The following ANO2 variants were observed in gnomAD, a reference collection of about 807,000 sequenced individuals.
ANO2 encodes anoctamin 2.
ANO2 carries 101 observed loss-of-function variants against 124.2 expected under a neutral mutation model. The ratio of observed to expected loss-of-function variants is 0.81; its 90% CI spans 0.69 to 0.96. The LOEUF (loss-of-function observed/expected upper bound fraction) is 0.96. Ranked by LOEUF, ANO2 falls within the 40% of genes least tolerant of loss-of-function variation. The pLI is 0.00. For missense variants in ANO2, 1,293 were observed against 1,274.5 expected (o/e 1.01, Z -0.22); for synonymous variants, 486 against 482.5 (o/e 1.01, Z -0.09).
chr12:5,910,467 C>A (rs1002502170), intron 3 of ANO2, among the ~76,000 whole-genome samples: 2 of 152,226 alleles, frequency 1.3e-5, no homozygotes, highest in African/African-American at 4.8e-5. Context: ...GTGTGAGCCA[C>A]AGAACCTGGC....
rs190888406 is a variant in ANO2 at position 5,879,913 on chromosome 12, G to A, written c.535-25772C>T. 1.1e-4 allele frequency among the ~76,000 whole-genome samples: 16 copies of A among 152,306 alleles called. 1 individual carries two copies. Among genetic ancestry groups the A allele is most frequent in the Admixed American group, 9.8e-4 (15 of 15,298 alleles). On this transcript the variant is annotated intron_variant, in intron 3 of 24. Coordinates refer to ENST00000682330, the MANE Select transcript of ANO2 (RefSeq NM_001364791.2). ...ATGAGGAAATGGCTTAATCAGATTTGCATTTGGAAAGATCACTCTGATAGA... is the reference window on the plus strand; with the variant it reads ...ATGAGGAAATGGCTTAATCAGATTTACATTTGGAAAGATCACTCTGATAGA...
At chr12:5,873,208 T>G (rs1223732818) in intron 3 of ANO2, among the ~76,000 whole-genome samples, 4 of 57,262 alleles carry the variant, frequency 7.0e-5, no homozygotes, top group Admixed American at 2.0e-4. Context: ...TCTCTCTCTC[T>G]CTCTCTCTCT....
chr12:5,812,603 A>G (rs1251949402), intron 7 of ANO2, among the ~76,000 whole-genome samples: 3 of 35,840 alleles, frequency 8.4e-5, no homozygotes, highest in African/African-American at 1.8e-4. Flanking sequence ...GGAAGAAGAA[A>G]AAGGAAGGAA....
At position 5,827,807 on chromosome 12, in the gene ANO2, AGGATCTCGTGCACCTAAAAGG is replaced by A; in HGVS notation, c.841-8_853del. The A allele has an allele frequency of 6.2e-7, 1 of 1,611,406 alleles. No individual in the cohort carries two copies. The highest frequency in any genetic ancestry group is 8.5e-7 in the Non-Finnish European group (1 of 1,178,982). ...GGCTCGGGAGCAGGCTGTGCGCTTC[AGGATCTCGTGCACCTAAAAGG>A]GGACGACAGCAGAGCTGTGAGCTCC... On this transcript the variant is annotated splice_acceptor_variant and splice_polypyrimidine_tract_variant and coding_sequence_variant and intron_variant, in exon 7 of 25. Coordinates refer to ENST00000682330, the MANE Select transcript of ANO2 (RefSeq NM_001364791.2). LOFTEE classifies it high-confidence loss of function.
At chr12:5,578,159 C>T (rs1299878399) in intron 21 of ANO2, among the ~76,000 whole-genome samples, 152 bp from the exon 22 acceptor site, 3 of 152,150 alleles carry the variant, frequency 2.0e-5, no homozygotes, top group Non-Finnish European at 4.4e-5. Flanking sequence ...CTTAGGTAGC[C>T]CCCCCATCTG....
intron 1 of ANO2, among the ~76,000 whole-genome samples, chr12:5,924,742 C>A (rs1276159922): frequency 6.6e-6 from 1 of 152,218 alleles, no homozygotes; most frequent in Non-Finnish European, 1.5e-5. Flanking sequence ...AATTCCCTAA[C>A]TGCTCCTTTT....
chr12:5,694,912 C>T (rs922326901), intron 14 of ANO2, among the ~76,000 whole-genome samples: 1 of 151,986 alleles, frequency 6.6e-6, no homozygotes, highest in African/African-American at 2.4e-5. Flanking sequence ...GTCCAGTTTC[C>T]TCATTAGAGA....
intron 16 of ANO2, among the ~76,000 whole-genome samples, chr12:5,615,833 A>C (rs1239699282): frequency 6.6e-6 from 1 of 152,198 alleles, no homozygotes; most frequent in Non-Finnish European, 1.5e-5. Context: ...GAAAGCATTC[A>C]TCTGCATGTC....
chr12:5,720,545 A>T (rs573121042), intron 14 of ANO2, among the ~76,000 whole-genome samples: 1 of 152,218 alleles, frequency 6.6e-6, no homozygotes, highest in African/African-American at 2.4e-5. Context: ...CTACAAGTCA[A>T]TTGTGCCTAA....
Position 5,785,354 on chromosome 12 carries a change from G to C in ANO2, c.1055+14153C>G, listed in dbSNP as rs550608581. Among the ~76,000 whole-genome samples the C allele has an allele frequency of 1.0e-3, 155 of 151,966 alleles. 1 individual carries two copies. Among genetic ancestry groups the C allele is most frequent in the Non-Finnish European group, 1.9e-3 (132 of 68,002 alleles). ...GATAAATCTTCAGGGGGATACTGGG[G>C]GACAGCAAAGAGGGGTCACAGGGTT... On this transcript the variant is annotated intron_variant, in intron 10 of 24. Transcript: ENST00000682330.
In ANO2 at chr12:5,862,920, A is replaced by G. The variant is rs967706581; in HGVS notation, c.535-8779T>C. Among the ~76,000 whole-genome samples the G allele has an allele frequency of 6.6e-6, 1 of 152,082 alleles. No homozygotes were observed. The highest frequency in any genetic ancestry group is 1.5e-5 in the Non-Finnish European group (1 of 68,014). The stretch of plus-strand genomic sequence containing the variant: ...ATCCTCCAGCCTCAGCCTCCTGAGT[A>G]GCTGGGATTACAGGCACCCACCACC... On this transcript the variant is annotated intron_variant, in intron 3 of 24. Coordinates refer to ENST00000682330, the MANE Select transcript of ANO2 (RefSeq NM_001364791.2). The surrounding 1 kb of genome is among the most constrained non-coding windows in gnomAD (Gnocchi z 4.0).
chr12:5,792,273 A>ACAT (rs1315987395), intron 10 of ANO2, among the ~76,000 whole-genome samples: 3 of 152,254 alleles, frequency 2.0e-5, no homozygotes, highest in Admixed American at 6.5e-5. Flanking sequence ...TCTGATGAAC[A>ACAT]CATACACAGG....
chr12:5,589,107 T>C (rs1943266028), intron 20 of ANO2, among the ~76,000 whole-genome samples: 1 of 152,192 alleles, frequency 6.6e-6, no homozygotes, highest in Non-Finnish European at 1.5e-5. Flanking sequence ...CCGCCAAGTC[T>C]TAGTTATCCA....
intron 9 of ANO2, among the ~76,000 whole-genome samples, chr12:5,800,089 CAG>C (rs1952993220): frequency 6.6e-6 from 1 of 152,198 alleles, no homozygotes; most frequent in African/African-American, 2.4e-5. Flanking sequence ...CTGTTGTAGA[CAG>C]GATGGCCAGG....
chr12:5,796,467 CAT>C (rs900184192), intron 10 of ANO2, among the ~76,000 whole-genome samples: 22 of 129,866 alleles, frequency 1.7e-4, no homozygotes, highest in African/African-American at 6.9e-4. Flanking sequence ...CACTCTTGCA[CAT>C]ACACACACAC....
chr12:5,850,429 AAAAAG>A (rs1199713077), intron 4 of ANO2, among the ~76,000 whole-genome samples: 99 of 151,172 alleles, frequency 6.5e-4, no homozygotes, highest in Non-Finnish European at 1.2e-3. Flanking sequence ...AAAAAAAAAA[AAAAAG>A]AAAGAAAGAA....
At chr12:5,941,130 G>A (rs1317481587) in intron 1 of ANO2, among the ~76,000 whole-genome samples, 3 of 152,196 alleles carry the variant, frequency 2.0e-5, no homozygotes, top group Non-Finnish European at 4.4e-5. Context: ...CTGCCATTGA[G>A]TGTGAAGTTT....
intron 14 of ANO2, among the ~76,000 whole-genome samples, chr12:5,694,133 A>G (rs1469400680): frequency 6.6e-6 from 1 of 151,920 alleles, no homozygotes; most frequent in Admixed American, 6.6e-5. Flanking sequence ...CCAATTTACC[A>G]GCTCTGTTTG....
intron 19 of ANO2, among the ~76,000 whole-genome samples, chr12:5,610,634 T>A (rs906775329): frequency 1.5e-4 from 22 of 143,386 alleles, no homozygotes; most frequent in Non-Finnish European, 1.4e-4. Context: ...TATATATATG[T>A]ATATATTTAT....
Sources: allele counts gnomAD v4.1 joint callset (sites outside exome capture counted in the v4.1 genomes callset), GRCh38; gene constraint gnomAD v4.1.1; non-coding constraint Gnocchi (gnomAD v3.1); transcripts MANE v1.5; gene names NCBI Gene and HGNC (gene_info 2026-07-23, HGNC 2026-07-21).